ICA1: variants seen among roughly 807,000 people sequenced by gnomAD.
ICA1 encodes the protein islet cell autoantigen 1.
ICA1 carries 40 observed loss-of-function variants against 71.0 expected under a neutral mutation model. The observed-to-expected ratio is 0.56, with a 90% CI of 0.44 to 0.73. ICA1 has a LOEUF of 0.73. ICA1 is among the 30% of genes least tolerant of loss of function. ICA1 has a pLI of 0.00. For missense variants in ICA1, 578 were observed against 576.5 expected, an observed-to-expected ratio of 1.00 and a Z score of -0.03; for synonymous variants, 207 against 209.5, an observed-to-expected ratio of 0.99 and a Z score of 0.10.
intron 1 of ICA1, among the ~76,000 whole-genome samples, chr7:8,250,759 T>C (rs2128524553): frequency 6.6e-6 from 1 of 152,216 alleles, no homozygotes; most frequent in East Asian, 1.9e-4. Flanking sequence ...AGTCAGCAAA[T>C]ATCACCAAGA....
intron 3 of ICA1, among the ~76,000 whole-genome samples, chr7:8,229,462 A>G (rs1483422339): frequency 6.6e-6 from 1 of 152,200 alleles, no homozygotes; most frequent in East Asian, 1.9e-4. Context: ...TTGCCCACTA[A>G]CTTAGGGACC....
intron 8 of ICA1, among the ~76,000 whole-genome samples, chr7:8,151,440 A>G (rs114265524): frequency 3.3e-4 from 51 of 152,304 alleles, no homozygotes; most frequent in African/African-American, 1.2e-3. Context: ...GATGCATCCC[A>G]ATTTTCTGTT....
chr7:8,126,738 T>A (rs1380805034), intron 13 of ICA1, among the ~76,000 whole-genome samples: 1 of 152,204 alleles, frequency 6.6e-6, no homozygotes, highest in African/African-American at 2.4e-5. Flanking sequence ...AACAGTTTGA[T>A]AATTTCTTAA....
chr7:8,171,970 T>C lies in ICA1; in HGVS notation c.580-13318A>G, dbSNP rs183430136. Among the ~76,000 whole-genome samples, 97 of 152,152 alleles carry C rather than the reference T, an allele frequency of 6.4e-4. No individual in the cohort carries two copies. In the Middle Eastern group the frequency reaches 0.024, roughly 37 times the overall value. Reference sequence around the variant, plus strand: ...TTAATTCTGTCATAACTAGATTACTTTGCATAATTTTGATTTTTAAAAATT... The same window carrying C: ...TTAATTCTGTCATAACTAGATTACTCTGCATAATTTTGATTTTTAAAAATT... On this transcript the variant is annotated intron_variant, in intron 6 of 13. Transcript: ENST00000402384.
intron 6 of ICA1, among the ~76,000 whole-genome samples, chr7:8,170,960 C>T (rs537256860): frequency 2.0e-5 from 3 of 151,916 alleles, no homozygotes; most frequent in African/African-American, 7.2e-5. Context: ...CAGTATATTC[C>T]CAGAGCTGTG....
intron 4 of ICA1, among the ~76,000 whole-genome samples, chr7:8,225,832 A>AT (rs1436793292): frequency 6.6e-6 from 1 of 152,194 alleles, no homozygotes; most frequent in African/African-American, 2.4e-5. Context: ...GGCTCTCATC[A>AT]TCTGCAATAT....
At chr7:8,119,845 CAAAGAT>C (rs1470775202) in intron 13 of ICA1, among the ~76,000 whole-genome samples, 4 of 152,092 alleles carry the variant, frequency 2.6e-5, no homozygotes, top group Non-Finnish European at 4.4e-5. Context: ...GAATGCATCT[CAAAGAT>C]AAAAGATAAA....
At chr7:8,157,602 C>G (rs984947887) in intron 7 of ICA1, 4 of 199,974 alleles carry the variant, frequency 2.0e-5, no homozygotes, top group African/African-American at 9.4e-5. Flanking sequence ...TTAGCACACT[C>G]TGCTCTGTCC....
At chr7:8,162,010 T>C (rs1163478647) in intron 6 of ICA1, among the ~76,000 whole-genome samples, 1 of 152,224 alleles carries the variant, frequency 6.6e-6, no homozygotes, top group Non-Finnish European at 1.5e-5. Context: ...AAAGTAAATA[T>C]AAGGTATTCG....
intron 12 of ICA1, among the ~76,000 whole-genome samples, chr7:8,134,712 T>C (rs1172499766): frequency 6.6e-6 from 1 of 152,134 alleles, no homozygotes; most frequent in Non-Finnish European, 1.5e-5. Flanking sequence ...ATATTCTATA[T>C]TATAACAAAC....
intron 10 of ICA1, among the ~76,000 whole-genome samples, chr7:8,140,123 AC>A (rs753015140): frequency 6.6e-6 from 1 of 152,234 alleles, no homozygotes; most frequent in East Asian, 1.9e-4. Context: ...TAACTTGCAT[AC>A]AAATATAATA....
At chr7:8,189,751 A>G (rs555034333) in intron 6 of ICA1, among the ~76,000 whole-genome samples, 1 of 143,984 alleles carries the variant, frequency 6.9e-6, no homozygotes, top group African/African-American at 2.6e-5. Flanking sequence ...CGCTCCCTTG[A>G]GCAGACCAGG....
chr7:8,262,496 G>A (rs1812889887), upstream of ICA1: 2 of 152,162 alleles, frequency 1.3e-5, no homozygotes, highest in Admixed American at 1.3e-4. Flanking sequence ...CTACTCCCCG[G>A]GGTCTCTCCT....
chr7:8,222,103 T>C lies in ICA1; in HGVS notation c.257-705A>G, dbSNP rs1350763690. Among the ~76,000 whole-genome samples, 2 of 152,146 alleles carry C rather than the reference T, an allele frequency of 1.3e-5. No individual in the cohort carries two copies. The highest frequency in any genetic ancestry group is 3.9e-4 in the East Asian group (2 of 5,186). ...ACATTTAAAAAATCATAGAATTACATGTATCTTTGGACTCTCCATGTCTAC... is the reference window on the plus strand; with the variant it reads ...ACATTTAAAAAATCATAGAATTACACGTATCTTTGGACTCTCCATGTCTAC... On this transcript the variant is annotated intron_variant, in intron 4 of 13. Coordinates refer to ENST00000402384, the MANE Select transcript of ICA1 (RefSeq NM_001136020.3). This position sits in a 1 kb window ranked among gnomAD's most constrained non-coding sequence, Gnocchi z 4.8.
intron 13 of ICA1, among the ~76,000 whole-genome samples, chr7:8,118,389 C>T (rs550018730): frequency 1.4e-4 from 21 of 152,264 alleles, no homozygotes; most frequent in African/African-American, 4.6e-4. Flanking sequence ...TATCTGGGAC[C>T]GTGGAAATGT....
chr7:8,183,380 C>T (rs1782845688), intron 6 of ICA1, among the ~76,000 whole-genome samples: 1 of 152,200 alleles, frequency 6.6e-6, no homozygotes, highest in Non-Finnish European at 1.5e-5. Flanking sequence ...CTGAGCAATG[C>T]AGCCACATTG....
intron 12 of ICA1, among the ~76,000 whole-genome samples, chr7:8,131,280 T>C (rs1490157212): frequency 3.3e-5 from 5 of 152,210 alleles, no homozygotes; most frequent in Non-Finnish European, 7.3e-5. Flanking sequence ...CAACTGAGTG[T>C]CCCCATTACA....
chr7:8,121,249 G>C (rs1786795586), intron 13 of ICA1, among the ~76,000 whole-genome samples: 1 of 152,150 alleles, frequency 6.6e-6, no homozygotes, highest in Non-Finnish European at 1.5e-5. Context: ...TCATTTGTCA[G>C]TTGTCCTCTC....
chr7:8,142,333 C>T (rs1250804592), intron 9 of ICA1, among the ~76,000 whole-genome samples: 1 of 152,156 alleles, frequency 6.6e-6, no homozygotes, highest in Non-Finnish European at 1.5e-5. Context: ...TTGGTGCCTC[C>T]GAGCCTTCCT....
Sources: gnomAD v4.1 joint callset for allele counts (sites outside exome capture counted in the v4.1 genomes callset) on GRCh38, gnomAD v4.1.1 for gene constraint, Gnocchi (gnomAD v3.1) non-coding constraint, MANE v1.5 for transcripts, NCBI Gene and HGNC (gene_info 2026-07-23, HGNC 2026-07-21) for gene names.